ANKRD7: variants seen among roughly 807,000 people sequenced by gnomAD.
The protein encoded by ANKRD7 is ankyrin repeat domain-containing protein 7.
Under a neutral mutation model 30.8 loss-of-function variants are expected in ANKRD7, and 30 were observed. The observed-to-expected ratio is 0.97, with a 90% CI of 0.73 to 1.32. The LOEUF is 1.32. Among genes scored for constraint, ANKRD7 ranks in the 40% most tolerant of loss-of-function variants. The pLI, the probability that ANKRD7 is intolerant of heterozygous loss-of-function variation, is 0.00. For synonymous variants in ANKRD7, 97 were observed against 106.6 expected, an observed-to-expected ratio of 0.91 and a Z score of 0.55; for missense variants, 264 against 295.7, an observed-to-expected ratio of 0.89 and a Z score of 0.79.
At chr7:118,236,646 G>T in intron 4 of ANKRD7, 144 bp from the exon 5 acceptor site, 1 of 834,312 alleles carries the variant, frequency 1.2e-6, no homozygotes, top group Non-Finnish European at 1.9e-6. Flanking sequence ...TTTTTGAGCA[G>T]ATCTGCTGTA....
rs535157824 is a variant in ANKRD7 at position 118,227,557 on chromosome 7, T to G, written c.179+2548T>G. Among the ~76,000 whole-genome samples the G allele has an allele frequency of 2.0e-5, 3 of 152,292 alleles. No homozygotes were observed. The South Asian group carries it at 6.2e-4, about 32-fold the overall frequency. On this transcript the variant is annotated intron_variant, in intron 1 of 6. Coordinates refer to ENST00000265224, the MANE Select transcript of ANKRD7 (RefSeq NM_019644.4). ...TACGCTGTTGCTGAATTGGTGTGTTTGTTGTGAGGAAGGGTACTTCGGGGT... is the reference window on the plus strand; with the variant it reads ...TACGCTGTTGCTGAATTGGTGTGTTGGTTGTGAGGAAGGGTACTTCGGGGT...
chr7:118,242,087 GTTAATC>G (rs1309305438), intron 6 of ANKRD7, among the ~76,000 whole-genome samples: 2 of 152,192 alleles, frequency 1.3e-5, no homozygotes, highest in Non-Finnish European at 1.5e-5. Context: ...ATAGTGAAAT[GTTAATC>G]TTAATTAATG....
intron 2 of ANKRD7, 37 bp downstream of exon 2, chr7:118,234,582 T>C (rs762961036): frequency 3.2e-6 from 5 of 1,573,276 alleles, no homozygotes; most frequent in Non-Finnish European, 4.3e-6. Flanking sequence ...TGGAATGTGT[T>C]TGAGTTCTCC....
chr7:118,234,090 G>A (rs544966794), intron 1 of ANKRD7, among the ~76,000 whole-genome samples: 1 of 152,094 alleles, frequency 6.6e-6, no homozygotes, highest in South Asian at 2.1e-4. Context: ...TGTATTTCAG[G>A]TTTTAAATAT....
chr7:118,228,500 A>C (rs181187815), intron 1 of ANKRD7, among the ~76,000 whole-genome samples: 101 of 152,284 alleles, frequency 6.6e-4, no homozygotes, highest in Non-Finnish European at 1.3e-3. Flanking sequence ...CTGGCTTGCA[A>C]AATTCCTGAA....
At position 118,225,104 on chromosome 7, in the gene ANKRD7, T is replaced by A. The variant is rs555094485; in HGVS notation, c.179+95T>A. On this transcript the variant is annotated intron_variant, in intron 1 of 6. Coordinates refer to ENST00000265224, the MANE Select transcript of ANKRD7 (RefSeq NM_019644.4). ...AGTGGGGGCTGTTTGACACTGATTG[T>A]CACTCCGGGTTTCCCAAAGAAGAGA... 22 of 1,375,330 alleles carry A rather than the reference T, an allele frequency of 1.6e-5. No homozygotes were observed. In the South Asian group the frequency reaches 2.8e-4, roughly 18 times the overall value. 85.2% of individuals were successfully genotyped at this position (1,375,330 alleles called of 1,614,324 possible). A position where few individuals can be genotyped will look rare whatever the true frequency, so the allele number is the denominator to read the frequency against.
intron 5 of ANKRD7, 191 bp from the exon 6 acceptor site, chr7:118,239,718 T>C (rs1448980679): frequency 2.8e-6 from 1 of 352,136 alleles, no homozygotes; most frequent in East Asian, 4.0e-5. Flanking sequence ...AGAAAAGAGG[T>C]GCCAGAGAAT....
At chr7:118,231,509 G>A (rs189323861) in intron 1 of ANKRD7, among the ~76,000 whole-genome samples, 71 of 152,036 alleles carry the variant, frequency 4.7e-4, no homozygotes, top group African/African-American at 1.5e-3. Flanking sequence ...AGCTTCCTTG[G>A]TTACTTCTCC....
At chr7:118,238,574 A>G (rs1002279101) in intron 5 of ANKRD7, among the ~76,000 whole-genome samples, 3 of 152,208 alleles carry the variant, frequency 2.0e-5, no homozygotes, top group Admixed American at 2.0e-4. Flanking sequence ...CTCTCTATGT[A>G]GATTCTATGG....
chr7:118,229,797 C>CCAT (rs1346032359), intron 1 of ANKRD7, among the ~76,000 whole-genome samples: 48 of 152,130 alleles, frequency 3.2e-4, no homozygotes, highest in African/African-American at 1.2e-3. Flanking sequence ...TACTAGCAAA[C>CCAT]CAAATCCAGT....
chr7:118,236,574 T>A (rs1478737579), intron 4 of ANKRD7, among the ~76,000 whole-genome samples: 1 of 152,124 alleles, frequency 6.6e-6, no homozygotes, highest in Non-Finnish European at 1.5e-5. Flanking sequence ...ATGATTGAGC[T>A]AGCTGCTTCC....
At chr7:118,232,522 A>G (rs1451871864) in intron 1 of ANKRD7, among the ~76,000 whole-genome samples, 1 of 151,914 alleles carries the variant, frequency 6.6e-6, no homozygotes, top group Admixed American at 6.6e-5. Flanking sequence ...TTTCATGGCT[A>G]TTTTATTTTA....
chr7:118,226,111 C>T (rs1809535860), intron 1 of ANKRD7, among the ~76,000 whole-genome samples: 3 of 152,178 alleles, frequency 2.0e-5, no homozygotes, highest in Admixed American at 2.0e-4. Context: ...TTGAGAATCT[C>T]CAAACTCAGA....
chr7:118,238,709 A>G (rs969762588), intron 5 of ANKRD7, among the ~76,000 whole-genome samples: 4 of 152,212 alleles, frequency 2.6e-5, no homozygotes, highest in Non-Finnish European at 5.9e-5. Context: ...GCATTTCTTC[A>G]TTTCTCTCAT....
At chr7:118,236,677 ACT>A in intron 4 of ANKRD7, 111 bp from the exon 5 acceptor site, 1 of 1,126,176 alleles carries the variant, frequency 8.9e-7, no homozygotes, top group Non-Finnish European at 1.3e-6. Context: ...TGTTGCTTTG[ACT>A]CTTTCTGATA....
intron 1 of ANKRD7, 98 bp from the exon 2 acceptor site, chr7:118,234,333 A>G (rs1368587710): frequency 3.2e-6 from 2 of 632,094 alleles, no homozygotes; most frequent in Middle Eastern, 3.9e-4. Flanking sequence ...TGAAGCAAGT[A>G]CCTTACCAAT....
chr7:118,224,718 C>T lies in ANKRD7; in HGVS notation c.-113C>T, dbSNP rs1379180640. ...GAGGCCCTTCCAGCATTTCCACTTT[C>T]GTCAGGTACTGGAGAGGGCTGCCGG... On this transcript the variant is annotated 5_prime_UTR_variant, in exon 1 of 7. Transcript: ENST00000265224. 6.0e-6 allele frequency: 9 copies of T among 1,505,474 alleles called. No homozygotes were observed. The highest frequency in any genetic ancestry group is 1.4e-5 in the African/African-American group (1 of 71,254). 93.3% of individuals were successfully genotyped at this position (1,505,474 alleles called of 1,614,324 possible). A position where few individuals can be genotyped will look rare whatever the true frequency, so the allele number is the denominator to read the frequency against.
At chr7:118,238,814 C>T (rs1284354117) in intron 5 of ANKRD7, among the ~76,000 whole-genome samples, 1 of 152,144 alleles carries the variant, frequency 6.6e-6, no homozygotes, top group Non-Finnish European at 1.5e-5. Context: ...TAATTGTCTT[C>T]ACTTTGTTAA....
rs201269179 is a variant in ANKRD7 at position 118,234,777 on chromosome 7, G to T, written c.371G>T (p.Arg124Leu). The change falls in exon 3 of 7, where the codon CGT (arginine) becomes CTT (leucine). Residue 124 changes from arginine to leucine, a missense_variant. Transcript: ENST00000265224. Reference sequence around the variant, plus strand: ...GCAGACCCAGATCTGAGGGATATTCGTTATAATACTGTTCTTCACTATGCT... The same window carrying T: ...GCAGACCCAGATCTGAGGGATATTCTTTATAATACTGTTCTTCACTATGCT... The part of the protein sequence containing the change: ...FGADPDLRDI[R>L]YNTVLHYAVC... The T allele has an allele frequency of 6.2e-7, 1 of 1,613,152 alleles. No individual in the cohort carries two copies. The highest frequency in any genetic ancestry group is 8.5e-7 in the Non-Finnish European group (1 of 1,179,734).
Sources: allele counts gnomAD v4.1 joint callset (sites outside exome capture counted in the v4.1 genomes callset), GRCh38; gene constraint gnomAD v4.1.1; transcripts MANE v1.5; gene names NCBI Gene and HGNC (gene_info 2026-07-23, HGNC 2026-07-21).